Variants in HCK observed in about 807,000 individuals in gnomAD.
HCK encodes the protein HCK proto-oncogene, Src family tyrosine kinase.
In HCK, 40 loss-of-function variants were observed where a neutral mutation model predicts 70.4. The ratio of observed to expected loss-of-function variants is 0.57; its 90% CI spans 0.44 to 0.74. HCK has a LOEUF of 0.74. Among genes scored for constraint, HCK ranks in the 30% least tolerant of loss-of-function variants. The probability of loss-of-function intolerance (pLI) is 0.00; values close to 1 mark genes in which losing one functional copy is unlikely to be tolerated. For missense variants in HCK, 568 were observed against 697.2 expected (o/e 0.81, Z 2.09); for synonymous variants, 245 against 263.2 (o/e 0.93, Z 0.67).
Position 32,052,334 on chromosome 20 carries a change from C to T in HCK, c.-91C>T. The stretch of plus-strand genomic sequence containing the variant: ...AGTGCAGGACGAGAAACGCCCGCGG[C>T]ACCAAAGCCCCTCAGAGCGTCGCCC... On this transcript the variant is annotated 5_prime_UTR_variant, in exon 1 of 13. Coordinates refer to ENST00000375852, the MANE Select transcript of HCK (RefSeq NM_002110.5). The T allele has an allele frequency of 1.1e-6, 1 of 928,456 alleles. No individual in the cohort carries two copies. The highest frequency in any genetic ancestry group is 3.3e-5 in the East Asian group (1 of 30,280). 57.5% of individuals were successfully genotyped at this position (928,456 alleles called of 1,614,324 possible). A position where few individuals can be genotyped will look rare whatever the true frequency, so the allele number is the denominator to read the frequency against.
At chr20:32,076,035 C>T (rs2045618960) in intron 5 of HCK, among the ~76,000 whole-genome samples, 1 of 152,124 alleles carries the variant, frequency 6.6e-6, no homozygotes, top group South Asian at 2.1e-4. Flanking sequence ...AAAGCCACCT[C>T]CTTCTGGCTG....
Position 32,081,063 on chromosome 20 carries a change from T to G in HCK, c.532+1186T>G, listed in dbSNP as rs145246383. Among the ~76,000 whole-genome samples the G allele has an allele frequency of 1.7e-4, 26 of 152,294 alleles. No homozygotes were observed. In the East Asian group the frequency reaches 4.1e-3, roughly 24 times the overall value. The stretch of plus-strand genomic sequence containing the variant: ...ATAATGGAGCCACTAGACTCCAGCC[T>G]GGGCAACAGAGCAAGACCCCATCTC... On this transcript the variant is annotated intron_variant, in intron 6 of 12. Transcript: ENST00000375852.
chr20:32,069,267 T>C (rs2045503950), intron 1 of HCK, among the ~76,000 whole-genome samples: 4 of 152,218 alleles, frequency 2.6e-5, no homozygotes, highest in Admixed American at 2.6e-4. Flanking sequence ...ACAGGTCTTC[T>C]GAGACCCCTC....
intron 11 of HCK, among the ~76,000 whole-genome samples, chr20:32,094,772 A>AGAAG (rs2045920913): frequency 1.6e-5 from 2 of 121,938 alleles, no homozygotes; most frequent in African/African-American, 6.2e-5. Context: ...AAGGAAAGAA[A>AGAAG]GAAAGAGAGA....
chr20:32,074,656 C>T lies in HCK; in HGVS notation c.363C>T (p.Ala121=). The T allele has an allele frequency of 6.2e-7, 1 of 1,613,994 alleles. No individual in the cohort carries two copies. Among genetic ancestry groups the T allele is most frequent in the Non-Finnish European group, 8.5e-7 (1 of 1,179,896 alleles). Residue 121 remains alanine (A), a synonymous_variant, in exon 5 of 13, where the codon GCC becomes GCT. Coordinates refer to ENST00000375852, the MANE Select transcript of HCK (RefSeq NM_002110.5). ...AGTGGTGGAAGGCTCGATCCCTGGCCACCCGGAAGGAGGGCTACATCCCAA... is the reference window on the plus strand; with the variant it reads ...AGTGGTGGAAGGCTCGATCCCTGGCTACCCGGAAGGAGGGCTACATCCCAA...
chr20:32,055,389 T>C (rs944423813), intron 1 of HCK, among the ~76,000 whole-genome samples: 14 of 152,228 alleles, frequency 9.2e-5, no homozygotes, highest in African/African-American at 3.4e-4. Context: ...CATGAACCTT[T>C]TGAGGGAACA....
intron 9 of HCK, among the ~76,000 whole-genome samples, chr20:32,087,751 C>T (rs937082086): frequency 6.6e-6 from 1 of 152,082 alleles, no homozygotes; most frequent in Admixed American, 6.6e-5. Context: ...ACGCCATTCT[C>T]CTGCCTCAGC....
chr20:32,093,194 C>T (rs941228876), intron 10 of HCK, among the ~76,000 whole-genome samples: 2 of 152,200 alleles, frequency 1.3e-5, no homozygotes, highest in South Asian at 2.1e-4. Flanking sequence ...ATCCGCCCAC[C>T]TCGGCCTCCC....
intron 10 of HCK, among the ~76,000 whole-genome samples, chr20:32,089,155 A>G (rs2122597130): frequency 6.6e-6 from 1 of 152,360 alleles, no homozygotes; most frequent in Non-Finnish European, 1.5e-5. Flanking sequence ...CTTCATGAGC[A>G]GGCTCTCATT....
At chr20:32,061,936 C>CTCTTTTTT (rs2045384066) in intron 1 of HCK, among the ~76,000 whole-genome samples, 1 of 122,048 alleles carries the variant, frequency 8.2e-6, no homozygotes, top group Admixed American at 8.4e-5. Context: ...TCTGACTTAC[C>CTCTTTTTT]TTTTTTTTTT....
chr20:32,084,572 G>A (rs771131947), intron 8 of HCK, 29 bp downstream of exon 8: 1 of 1,596,000 alleles, frequency 6.3e-7, no homozygotes. Flanking sequence ...AGCCCACAGG[G>A]CCAGAGGGTG....
chr20:32,061,234 G>A (rs999878899), intron 1 of HCK, among the ~76,000 whole-genome samples: 3 of 152,150 alleles, frequency 2.0e-5, no homozygotes, highest in South Asian at 2.1e-4. Context: ...CGCCCGCCTT[G>A]GCCTCCCAAA....
At chr20:32,060,191 A>T (rs910655551) in intron 1 of HCK, among the ~76,000 whole-genome samples, 1 of 152,036 alleles carries the variant, frequency 6.6e-6, no homozygotes, top group Non-Finnish European at 1.5e-5. Flanking sequence ...CAGTTTAAAC[A>T]TATATTTATA....
chr20:32,063,814 A>T (rs1478440018), intron 1 of HCK, among the ~76,000 whole-genome samples: 1 of 151,356 alleles, frequency 6.6e-6, no homozygotes, highest in East Asian at 2.0e-4. Context: ...CAAGCAGAAG[A>T]AGGAGGTTAC....
intron 3 of HCK, 24 bp downstream of exon 3, chr20:32,073,385 G>A: frequency 1.2e-6 from 2 of 1,602,322 alleles, no homozygotes; most frequent in South Asian, 1.1e-5. Context: ...AGCAGATGCA[G>A]TGGAGTCATG....
rs781773764 is a variant in HCK at position 32,074,649 on chromosome 20, C to T, written c.356C>T (p.Ser119Phe). 1 of 1,613,822 alleles carries T rather than the reference C, an allele frequency of 6.2e-7. No homozygotes were observed. The highest frequency in any genetic ancestry group is 1.3e-5 in the African/African-American group (1 of 74,914). ...TCCGGGGAGTGGTGGAAGGCTCGATCCCTGGCCACCCGGAAGGAGGGCTAC... is the reference window on the plus strand; with the variant it reads ...TCCGGGGAGTGGTGGAAGGCTCGATTCCTGGCCACCCGGAAGGAGGGCTAC... The change falls in exon 5 of 13, where the codon TCC (serine) becomes TTC (phenylalanine). Residue 119 changes from serine (S) to phenylalanine (F), a missense_variant. Ser to Phe is a radical substitution (Grantham distance 155, BLOSUM62 -2). Transcript: ENST00000375852.
intron 8 of HCK, among the ~76,000 whole-genome samples, chr20:32,086,406 C>T (rs1027585205): frequency 1.3e-5 from 2 of 152,236 alleles, no homozygotes; most frequent in African/African-American, 4.8e-5. Context: ...GGCTCAGAGA[C>T]GTTAAGCCAC....
Position 32,079,566 on chromosome 20 carries a change from C to T in HCK, c.429-208C>T, listed in dbSNP as rs562686159. On this transcript the variant is annotated intron_variant, in intron 5 of 12. Transcript: ENST00000375852. ...CAGTCTCAGCAAACAGGATTCACTT[C>T]GGGTAAAATGTCTATTTTGATATCA... Among the ~76,000 whole-genome samples the T allele has an allele frequency of 1.2e-4, 18 of 152,324 alleles. No individual in the cohort carries two copies. In the South Asian group the frequency reaches 2.9e-3, roughly 25 times the overall value.
chr20:32,086,253 T>C (rs2122585458), intron 8 of HCK, among the ~76,000 whole-genome samples: 1 of 152,328 alleles, frequency 6.6e-6, no homozygotes, highest in Non-Finnish European at 1.5e-5. Flanking sequence ...TCTCCTGACC[T>C]TGTGATCCGC....
Sources: allele counts gnomAD v4.1 joint callset (sites outside exome capture counted in the v4.1 genomes callset), GRCh38; gene constraint gnomAD v4.1.1; transcripts MANE v1.5; gene names NCBI Gene and HGNC (gene_info 2026-07-23, HGNC 2026-07-21).